Variants in PLET1 observed in about 807,000 individuals in gnomAD.
The protein encoded by PLET1 is placenta-expressed transcript 1 protein.
PLET1 carries 20 observed loss-of-function variants against 18.5 expected under a neutral mutation model. The ratio of observed to expected loss-of-function variants is 1.08; its 90% CI spans 0.76 to 1.57. The LOEUF (loss-of-function observed/expected upper bound fraction) is 1.57, where lower values mean the gene tolerates loss of function less well. PLET1 is among the 40% of genes most tolerant of loss of function. The pLI is 0.00. For synonymous variants in PLET1, 93 were observed against 93.8 expected, an observed-to-expected ratio of 0.99 and a Z score of 0.05; for missense variants, 256 against 246.4, an observed-to-expected ratio of 1.04 and a Z score of -0.26.
Position 112,260,783 on chromosome 11 carries a change from C to T in PLET1, c.-194G>A. 1.8e-6 allele frequency: 1 copy of T among 542,230 alleles called. No individual in the cohort carries two copies. The highest frequency in any genetic ancestry group is 3.2e-6 in the Non-Finnish European group (1 of 311,274). The allele number at this position is 542,230 out of a possible 1,614,324, so 33.6% of individuals were successfully genotyped here. A position where few individuals can be genotyped will look rare whatever the true frequency, so the allele number is the denominator to read the frequency against. On this transcript the variant is annotated 5_prime_UTR_variant, in exon 1 of 4. The change abolishes the stop of an existing upstream ORF in the 5' untranslated region. Coordinates refer to ENST00000338832, the MANE Select transcript of PLET1 (RefSeq NM_001145024.1). ...TGAATCACCAGTCACCATTACCTGT[C>T]ACCGATGATTTTGCAAATTGCAGTT...
chr11:112,248,164 ATTC>A lies in PLET1; in HGVS notation c.*632_*634del, dbSNP rs1566825651. 6.6e-6 allele frequency among the ~76,000 whole-genome samples: 1 copy of A among 152,274 alleles called. No individual in the cohort carries two copies. The highest frequency in any genetic ancestry group is 2.4e-5 in the African/African-American group (1 of 41,550). On this transcript the variant is annotated 3_prime_UTR_variant, in exon 4 of 4. Coordinates refer to ENST00000338832, the MANE Select transcript of PLET1 (RefSeq NM_001145024.1). The stretch of plus-strand genomic sequence containing the variant: ...TATATTTGAATGGAACACATTCATT[ATTC>A]TTGTTTAAAGTATAATTTATTTGTT...
In PLET1 at chr11:112,260,408, G is replaced by A; in HGVS notation, c.182C>T (p.Ser61Phe). The A allele has an allele frequency of 6.4e-7, 1 of 1,551,112 alleles. No individual in the cohort carries two copies. The highest frequency in any genetic ancestry group is 1.2e-5 in the South Asian group (1 of 83,980). The change falls in exon 1 of 4, where the codon TCT becomes TTT. Residue 61 changes from serine to phenylalanine, a missense_variant and splice_region_variant. Physicochemically the swap from Ser to Phe is radical, Grantham distance 155. Transcript: ENST00000338832. ...SHIYESNAVY[S>F]VFVPVNDSVY... is the part of the protein sequence containing the mutation. ...CAGAGAGCATGGCTTCTACTCACCAGAATAGACTGCATTGCTTTCGTAGAT... is the reference window on the plus strand; with the variant it reads ...CAGAGAGCATGGCTTCTACTCACCAAAATAGACTGCATTGCTTTCGTAGAT...
intron 1 of PLET1, among the ~76,000 whole-genome samples, chr11:112,258,486 G>A (rs1592892584): frequency 6.6e-6 from 1 of 151,992 alleles, no homozygotes; most frequent in African/African-American, 2.4e-5. Context: ...GTTTTGCCAT[G>A]TTGCTCAGTC....
intron 1 of PLET1, among the ~76,000 whole-genome samples, chr11:112,256,699 T>C (rs889450366): frequency 1.3e-5 from 2 of 152,138 alleles, no homozygotes; most frequent in African/African-American, 2.4e-5. Context: ...CACACAACAG[T>C]TCTGTGTTCT....
At chr11:112,250,678 TA>T (rs1860146761) in intron 3 of PLET1, among the ~76,000 whole-genome samples, 1 of 152,184 alleles carries the variant, frequency 6.6e-6, no homozygotes, top group Admixed American at 6.5e-5. Flanking sequence ...GAGGACACCC[TA>T]CTCTGTAATA....
chr11:112,260,835 T>A lies in PLET1; in HGVS notation c.-246A>T. The A allele has an allele frequency of 2.0e-6, 1 of 492,104 alleles. No homozygotes were observed. Among genetic ancestry groups the A allele is most frequent in the Admixed American group, 3.7e-5 (1 of 27,194 alleles). 30.5% of individuals were successfully genotyped at this position (492,104 alleles called of 1,614,324 possible). A position where few individuals can be genotyped will look rare whatever the true frequency, so the allele number is the denominator to read the frequency against. On this transcript the variant is annotated 5_prime_UTR_variant, in exon 1 of 4. Coordinates refer to ENST00000338832, the MANE Select transcript of PLET1 (RefSeq NM_001145024.1). ...TGCTCAAGAAAGGGAATGTCCTGAA[T>A]ATGGTTTTCTTTTACGCCTGTCATT...
At chr11:112,253,100 A>G (rs1860172251) in intron 2 of PLET1, among the ~76,000 whole-genome samples, 1 of 152,186 alleles carries the variant, frequency 6.6e-6, no homozygotes, top group African/African-American at 2.4e-5. Flanking sequence ...GATAGATTTT[A>G]AACAGATTAT....
In PLET1 at chr11:112,260,593, CTCAG is replaced by C. The variant is rs760316245; in HGVS notation, c.-8_-5del. The C allele has an allele frequency of 1.2e-5, 18 of 1,549,630 alleles. No homozygotes were observed. Among genetic ancestry groups the C allele is most frequent in the Non-Finnish European group, 8.7e-7 (1 of 1,146,216 alleles). On this transcript the variant is annotated 5_prime_UTR_variant, in exon 1 of 4. Transcript: ENST00000338832. ...GCATGTCATGGAAGACTGCCATGGT[CTCAG>C]TCTGTTTGGAAAGTGCTAGGCCTGG...
At chr11:112,252,499 A>G in intron 2 of PLET1, 90 bp from the exon 3 acceptor site, 2 of 1,138,524 alleles carry the variant, frequency 1.8e-6, no homozygotes, top group Non-Finnish European at 2.6e-6. Context: ...CCCGCCGCTT[A>G]ATTCCTTTTG....
At position 112,260,443 on chromosome 11, in the gene PLET1, G is replaced by A. The variant is rs1431582458; in HGVS notation, c.147C>T (p.Ala49=). ...CATTGCTTTCGTAGATATGTGAACT[G>A]GCCTTGATGTCTAGGGTTATGGTGT... The part of the protein sequence containing the change: ...EYYTITLDIK[A]SSHIYESNAV... Residue 49 remains alanine (A), a synonymous_variant, in exon 1 of 4, where the codon GCC becomes GCT. Transcript: ENST00000338832. 1 of 1,551,844 alleles carries A rather than the reference G, an allele frequency of 6.4e-7. No individual in the cohort carries two copies. The highest frequency in any genetic ancestry group is 8.7e-7 in the Non-Finnish European group (1 of 1,146,972).
chr11:112,260,547 A>C lies in PLET1; in HGVS notation c.43T>G (p.Phe15Val), dbSNP rs1193210827. The change falls in exon 1 of 4, where the codon TTT becomes GTT. Residue 15 changes from phenylalanine (F) to valine (V), a missense_variant. By Grantham distance (50) the Phe-to-Val change is conservative. Coordinates refer to ENST00000338832, the MANE Select transcript of PLET1 (RefSeq NM_001145024.1). ...GAAAGCTGCAGACTGAGGCACAGAA[A>C]CATCCCCAGTGGCTGCAGCAGCATG... ...HDMLLQPLGM[F>V]LCLSLQLSSA... 2.6e-6 allele frequency: 4 copies of C among 1,551,700 alleles called. No homozygotes were observed.
intron 2 of PLET1, among the ~76,000 whole-genome samples, chr11:112,255,053 GGTAT>G (rs1860209005): frequency 3.3e-5 from 4 of 120,776 alleles, no homozygotes; most frequent in African/African-American, 1.3e-4. Flanking sequence ...GGGTGCGTGT[GGTAT>G]GTGTGTGTGT....
chr11:112,248,515 T>C lies in PLET1; in HGVS notation c.*284A>G. ...TTGGCTGTGGAATTGGCTGCCAACC[T>C]GTTCAACCAATAGGGAGAACCTAGG... On this transcript the variant is annotated 3_prime_UTR_variant, in exon 4 of 4. Transcript: ENST00000338832. 4.7e-6 allele frequency: 2 copies of C among 426,792 alleles called. No homozygotes were observed. The highest frequency in any genetic ancestry group is 8.2e-6 in the Non-Finnish European group (2 of 243,340). The allele number at this position is 426,792 out of a possible 1,614,324, so 26.4% of individuals were successfully genotyped here.
chr11:112,248,716 C>T lies in PLET1; in HGVS notation c.*83G>A, dbSNP rs1860124759. On this transcript the variant is annotated 3_prime_UTR_variant, in exon 4 of 4. Coordinates refer to ENST00000338832, the MANE Select transcript of PLET1 (RefSeq NM_001145024.1). ...TGAGAATGTAAAGCCTTCATTTACA[C>T]ACATTCGGTTCCCAGCACTAGCTTG... 1.3e-5 allele frequency: 19 copies of T among 1,423,110 alleles called. No individual in the cohort carries two copies. The South Asian group carries it at 2.6e-4, about 19-fold the overall frequency. The allele number at this position is 1,423,110 out of a possible 1,614,324, so 88.2% of individuals were successfully genotyped here.
intron 1 of PLET1, among the ~76,000 whole-genome samples, chr11:112,256,707 T>C (rs1436697745): frequency 6.6e-6 from 1 of 152,216 alleles, no homozygotes; most frequent in East Asian, 1.9e-4. Flanking sequence ...AGTTCTGTGT[T>C]CTGGTTGTTA....
Position 112,260,858 on chromosome 11 carries a change from A to G in PLET1, c.-269T>C, listed in dbSNP as rs1244625837. The G allele has an allele frequency of 7.1e-6, 3 of 425,528 alleles. No individual in the cohort carries two copies. Among genetic ancestry groups the G allele is most frequent in the African/African-American group, 5.9e-5 (3 of 50,710 alleles). 26.4% of individuals were successfully genotyped at this position (425,528 alleles called of 1,614,324 possible). A position where few individuals can be genotyped will look rare whatever the true frequency, so the allele number is the denominator to read the frequency against. ...AATATGGTTTTCTTTTACGCCTGTC[A>G]TTTCAGCATCTGCTGTTTGAAGAAA... On this transcript the variant is annotated 5_prime_UTR_variant, in exon 1 of 4. It removes an upstream start codon present in the reference 5' UTR. Coordinates refer to ENST00000338832, the MANE Select transcript of PLET1 (RefSeq NM_001145024.1).
intron 1 of PLET1, among the ~76,000 whole-genome samples, chr11:112,257,848 G>C (rs186994824): frequency 2.6e-4 from 39 of 151,200 alleles, no homozygotes; most frequent in African/African-American, 9.4e-4. Flanking sequence ...GATTGGCCTG[G>C]GTGGCCATTT....
At chr11:112,249,012 A>G (rs1397346358) in intron 3 of PLET1, 38 bp from the exon 4 acceptor site, 4 of 1,538,494 alleles carry the variant, frequency 2.6e-6, no homozygotes, top group Non-Finnish European at 3.5e-6. Context: ...GCACTGGAAA[A>G]TGGCATCGGA....
chr11:112,250,937 A>C (rs1331971280), intron 3 of PLET1, among the ~76,000 whole-genome samples: 5 of 152,212 alleles, frequency 3.3e-5, no homozygotes, highest in Non-Finnish European at 7.3e-5. Flanking sequence ...AGGCATAATC[A>C]CTTTACAATT....
Sources: gnomAD v4.1 joint callset for allele counts (sites outside exome capture counted in the v4.1 genomes callset) on GRCh38, gnomAD v4.1.1 for gene constraint, MANE v1.5 for transcripts, NCBI Gene and HGNC (gene_info 2026-07-23, HGNC 2026-07-21) for gene names.